The following SORCS1 variants were observed in gnomAD, a reference collection of about 807,000 sequenced individuals.
The protein encoded by SORCS1 is VPS10 domain-containing receptor SorCS1.
SORCS1 carries 60 observed loss-of-function variants against 146.1 expected under a neutral mutation model. The observed-to-expected ratio is 0.41, with a 90% CI of 0.33 to 0.51. SORCS1 has a LOEUF of 0.51. Among genes scored for constraint, SORCS1 ranks in the 20% least tolerant of loss-of-function variants. The probability of loss-of-function intolerance (pLI) is 0.21; values close to 1 mark genes in which losing one functional copy is unlikely to be tolerated. For synonymous variants in SORCS1, 637 were observed against 584.0 expected, an observed-to-expected ratio of 1.09 and a Z score of -1.31; for missense variants, 1,352 against 1,487.6, an observed-to-expected ratio of 0.91 and a Z score of 1.50.
chr10:106,664,095 A>G (rs966729225), intron 17 of SORCS1, among the ~76,000 whole-genome samples: 2 of 152,234 alleles, frequency 1.3e-5, no homozygotes, highest in African/African-American at 4.8e-5. Context: ...GTCAGATGCT[A>G]TCGTGTAATA....
chr10:107,088,418 G>C (rs565666200), intron 1 of SORCS1, among the ~76,000 whole-genome samples: 54 of 152,322 alleles, frequency 3.5e-4, no homozygotes, highest in African/African-American at 1.2e-3. Flanking sequence ...CAGGCCCTGG[G>C]GGGGACGGTG....
At chr10:106,737,754 G>T (rs1564914932) in intron 5 of SORCS1, among the ~76,000 whole-genome samples, 1 of 152,078 alleles carries the variant, frequency 6.6e-6, no homozygotes, top group Non-Finnish European at 1.5e-5. Flanking sequence ...AGATACCAGG[G>T]ACCATGCTCA....
At chr10:106,947,515 T>A (rs1023719811) in intron 2 of SORCS1, among the ~76,000 whole-genome samples, 31 of 152,140 alleles carry the variant, frequency 2.0e-4, no homozygotes, top group African/African-American at 7.5e-4. Flanking sequence ...AGCATGCTAC[T>A]AAATCTTTCT....
intron 18 of SORCS1, among the ~76,000 whole-genome samples, chr10:106,631,290 A>C (rs2133590851): frequency 6.6e-6 from 1 of 152,316 alleles, no homozygotes; most frequent in Middle Eastern, 3.4e-3. Flanking sequence ...CTACAAAATA[A>C]ATATCCAAAG....
At chr10:107,045,557 A>C (rs1040684435) in intron 1 of SORCS1, among the ~76,000 whole-genome samples, 2 of 152,194 alleles carry the variant, frequency 1.3e-5, no homozygotes, top group Admixed American at 6.5e-5. Context: ...AATTCAGCTC[A>C]TCACCAATTC....
intron 4 of SORCS1, among the ~76,000 whole-genome samples, chr10:106,773,762 A>G (rs1424232811): frequency 6.6e-6 from 1 of 152,116 alleles, no homozygotes; most frequent in Non-Finnish European, 1.5e-5. Context: ...AGCCTGGCCA[A>G]CAAGGCGAAA....
At chr10:106,736,683 G>A (rs1482343835) in intron 5 of SORCS1, among the ~76,000 whole-genome samples, 3 of 132,392 alleles carry the variant, frequency 2.3e-5, no homozygotes, top group Non-Finnish European at 3.3e-5. Context: ...CTGAGGTCTC[G>A]TCTGCGTCCA....
At chr10:107,169,866 A>T in the SORCS1 span, among the ~76,000 whole-genome samples, 1 of 152,298 alleles carries the variant, frequency 6.6e-6, no homozygotes, top group African/African-American at 2.4e-5. Context: ...ATTTTTGTGT[A>T]GCTATTATGC....
intron 6 of SORCS1, among the ~76,000 whole-genome samples, chr10:106,713,709 G>T (rs960332110): frequency 6.6e-6 from 1 of 152,098 alleles, no homozygotes; most frequent in Admixed American, 6.5e-5. Context: ...GTGTAGAAAC[G>T]GCAGTATGTG....
At chr10:106,977,227 C>A (rs1956066624) in intron 1 of SORCS1, among the ~76,000 whole-genome samples, 1 of 152,150 alleles carries the variant, frequency 6.6e-6, no homozygotes, top group Non-Finnish European at 1.5e-5. Flanking sequence ...TAATAATCGC[C>A]ATTCTAACTG....
At chr10:107,049,634 G>C (rs1959919449) in intron 1 of SORCS1, among the ~76,000 whole-genome samples, 2 of 152,118 alleles carry the variant, frequency 1.3e-5, no homozygotes, top group Non-Finnish European at 2.9e-5. Flanking sequence ...TAGCATTGAA[G>C]TTTGTCTTTA....
intron 1 of SORCS1, among the ~76,000 whole-genome samples, chr10:106,985,344 C>T (rs1956421064): frequency 6.6e-6 from 1 of 151,910 alleles, no homozygotes. Context: ...TTTGAAATTA[C>T]GAAGTGTATT....
chr10:106,664,473 T>A (rs1332782168), intron 17 of SORCS1, among the ~76,000 whole-genome samples: 1 of 152,046 alleles, frequency 6.6e-6, no homozygotes, highest in Non-Finnish European at 1.5e-5. Context: ...AAACCCCATC[T>A]CTAGTAAAAA....
chr10:106,825,269 C>CTTTTTTTT, intron 3 of SORCS1, among the ~76,000 whole-genome samples: 1 of 119,190 alleles, frequency 8.4e-6, no homozygotes, highest in Non-Finnish European at 1.7e-5. Context: ...GAGATTTCAA[C>CTTTTTTTT]TTTTTTTTTT....
chr10:106,771,172 T>C (rs1312392470), intron 4 of SORCS1, among the ~76,000 whole-genome samples: 1 of 152,120 alleles, frequency 6.6e-6, no homozygotes, highest in Admixed American at 6.5e-5. Flanking sequence ...TACCCCGGCA[T>C]AGACAGCAAA....
chr10:107,017,334 G>A (rs7920985), intron 1 of SORCS1, among the ~76,000 whole-genome samples: 55,367 of 152,072 alleles, frequency 0.36, 11,625 homozygotes, highest in East Asian at 0.66. Context: ...GCAAACTACC[G>A]CTACACGAAA....
intron 1 of SORCS1, among the ~76,000 whole-genome samples, chr10:107,148,796 TTA>T (rs1968539364): frequency 6.6e-6 from 1 of 152,184 alleles, no homozygotes; most frequent in African/African-American, 2.4e-5. Flanking sequence ...ATAGAGGGCA[TTA>T]AACCAAGGCT....
intron 2 of SORCS1, among the ~76,000 whole-genome samples, chr10:106,830,724 C>G (rs1449247092): frequency 6.6e-6 from 1 of 151,152 alleles, no homozygotes; most frequent in Non-Finnish European, 1.5e-5. Flanking sequence ...TGCGACACTC[C>G]TTCTCTATCA....
At chr10:106,902,757 C>A (rs969545318) in intron 2 of SORCS1, among the ~76,000 whole-genome samples, 4 of 152,182 alleles carry the variant, frequency 2.6e-5, no homozygotes, top group African/African-American at 9.7e-5. Context: ...GGTGGTTATT[C>A]CTGCATAACA....
Sources: gnomAD v4.1 joint callset for allele counts (sites outside exome capture counted in the v4.1 genomes callset) on GRCh38, gnomAD v4.1.1 for gene constraint, MANE v1.5 for transcripts, NCBI Gene and HGNC (gene_info 2026-07-23, HGNC 2026-07-21) for gene names.